The following SNX30 variants were observed in gnomAD, a reference collection of about 807,000 sequenced individuals.
SNX30 encodes sorting nexin family member 30.
In SNX30, 24 loss-of-function variants were observed where a neutral mutation model predicts 46.4. That is an observed-to-expected ratio of 0.52 (90% CI 0.37 to 0.73). The LOEUF is 0.73. Ranked by LOEUF, SNX30 falls within the 30% of genes least tolerant of loss-of-function variation. The probability of loss-of-function intolerance (pLI) is 0.00; values close to 1 mark genes in which losing one functional copy is unlikely to be tolerated. For synonymous variants in SNX30, 189 were observed against 211.5 expected (o/e 0.89, Z 0.92); for missense variants, 533 against 555.7 (o/e 0.96, Z 0.41).
At chr9:112,761,438 C>T (rs1297982379) in intron 1 of SNX30, among the ~76,000 whole-genome samples, 1 of 152,126 alleles carries the variant, frequency 6.6e-6, no homozygotes, top group African/African-American at 2.4e-5. Context: ...GCTAGGATTA[C>T]AGGTGTGAGC....
At position 112,804,881 on chromosome 9, in the gene SNX30, A is replaced by C. The variant is rs1159820319; in HGVS notation, c.262A>C (p.Thr88Pro). ...LQLDDDIDGE[T>P]RDLFVIVDDP... is the part of the protein sequence containing the mutation. ...GCTTGATGATGATATTGATGGTGAGACTAGAGATCTCTTCGTTATAGTTGA... is the reference window on the plus strand; with the variant it reads ...GCTTGATGATGATATTGATGGTGAGCCTAGAGATCTCTTCGTTATAGTTGA... The change falls in exon 2 of 9, where the codon ACT (threonine) becomes CCT (proline). Residue 88 changes from threonine to proline, a missense_variant. Around this residue, in one of 3 missense-constraint regions of SNX30, gnomAD observed 191 missense variants for 160.3 expected, o/e 1.19. Transcript: ENST00000374232. 1.2e-6 allele frequency: 2 copies of C among 1,613,964 alleles called. No homozygotes were observed. The highest frequency in any genetic ancestry group is 1.7e-6 in the Non-Finnish European group (2 of 1,179,926).
At chr9:112,843,252 T>TAA (rs1016212847) in intron 6 of SNX30, among the ~76,000 whole-genome samples, 7 of 152,218 alleles carry the variant, frequency 4.6e-5, no homozygotes, top group African/African-American at 1.7e-4. Context: ...TTGCGACACT[T>TAA]ACAAATATAC....
chr9:112,855,245 G>A (rs980069819), intron 7 of SNX30, among the ~76,000 whole-genome samples: 6 of 152,192 alleles, frequency 3.9e-5, no homozygotes, highest in East Asian at 1.9e-4. Flanking sequence ...CAGGGAATTC[G>A]GAAGTGGGTT....
At position 112,817,805 on chromosome 9, in the gene SNX30, A is replaced by G; in HGVS notation, c.449A>G (p.His150Arg). 9 of 1,610,392 alleles carry G rather than the reference A, an allele frequency of 5.6e-6. No individual in the cohort carries two copies. Among genetic ancestry groups the G allele is most frequent in the South Asian group, 3.3e-5 (3 of 91,014 alleles). The change falls in exon 3 of 9, where the codon CAT (histidine) becomes CGT (arginine). Residue 150 changes from histidine (H) to arginine (R), a missense_variant. By Grantham distance (29) the His-to-Arg change is conservative (BLOSUM62 0). Coordinates refer to ENST00000374232, the MANE Select transcript of SNX30 (RefSeq NM_001012994.2). Reference protein sequence around the residue: ...RSKLEESQPTHLIPPLPEKFV... With the variant: ...RSKLEESQPTRLIPPLPEKFV... ...AAACTGGAAGAATCCCAGCCCACTCATCTCATTCCCGTAGGTAGTAAGTCA... is the reference window on the plus strand; with the variant it reads ...AAACTGGAAGAATCCCAGCCCACTCGTCTCATTCCCGTAGGTAGTAAGTCA...
At chr9:112,823,254 G>T (rs925739882) in intron 3 of SNX30, among the ~76,000 whole-genome samples, 1 of 152,188 alleles carries the variant, frequency 6.6e-6, no homozygotes, top group Non-Finnish European at 1.5e-5. Flanking sequence ...CATCTGCTGG[G>T]GGTCTTGGAA....
chr9:112,881,949 T>C (rs1006386397), downstream of SNX30, among the ~76,000 whole-genome samples: 2 of 151,870 alleles, frequency 1.3e-5, no homozygotes, highest in African/African-American at 4.8e-5. Context: ...TGGGAAAAAG[T>C]TGTGGATGGA....
chr9:112,878,659 C>T (rs1393469695), downstream of SNX30: 3 of 152,218 alleles, frequency 2.0e-5, no homozygotes, highest in Non-Finnish European at 4.4e-5. Flanking sequence ...GTCTGCTTCA[C>T]CTGATAGACA....
intron 2 of SNX30, among the ~76,000 whole-genome samples, chr9:112,811,626 C>T (rs1398712655): frequency 6.6e-6 from 1 of 152,140 alleles, no homozygotes; most frequent in African/African-American, 2.4e-5. Context: ...GATGGTGTTA[C>T]ACTTCTAGCA....
At chr9:112,775,011 A>AT in intron 1 of SNX30, among the ~76,000 whole-genome samples, 1 of 151,288 alleles carries the variant, frequency 6.6e-6, no homozygotes, top group South Asian at 2.1e-4. Flanking sequence ...CGCCTGGCTC[A>AT]TTTTTTGTAT....
At chr9:112,856,327 G>C (rs947370895) in intron 7 of SNX30, among the ~76,000 whole-genome samples, 4 of 146,628 alleles carry the variant, frequency 2.7e-5, no homozygotes, top group African/African-American at 1.0e-4. Flanking sequence ...TGTGGTGTGT[G>C]TGGGGGGTGG....
intron 3 of SNX30, among the ~76,000 whole-genome samples, chr9:112,821,204 G>A (rs1840487596): frequency 1.3e-5 from 2 of 152,122 alleles, no homozygotes; most frequent in Admixed American, 1.3e-4. Flanking sequence ...CTTTTGGATT[G>A]TAGCCATTCT....
intron 1 of SNX30, among the ~76,000 whole-genome samples, chr9:112,798,069 C>T (rs1234094230): frequency 4.1e-5 from 6 of 147,592 alleles, no homozygotes; most frequent in African/African-American, 7.5e-5. Flanking sequence ...GTGGGAAAAA[C>T]GGAGTATGCT....
intron 1 of SNX30, 41 bp downstream of exon 1, chr9:112,751,198 T>C: frequency 1.1e-5 from 15 of 1,386,280 alleles, no homozygotes; most frequent in South Asian, 1.6e-5. Context: ...CTTATTTCGC[T>C]CCCCGTGGGG....
chr9:112,880,095 T>A (rs2131535740), exon 5 of SNX30: 2 of 292,726 alleles, frequency 6.8e-6, no homozygotes, highest in Middle Eastern at 2.0e-3. Context: ...GTTTGGGAGG[T>A]TGAGGCAGGT....
At chr9:112,836,936 G>A (rs953188333) in intron 5 of SNX30, among the ~76,000 whole-genome samples, 13 of 152,096 alleles carry the variant, frequency 8.5e-5, no homozygotes, top group African/African-American at 2.9e-4. Flanking sequence ...ATCCTTCCTC[G>A]TTTTTGCCTC....
intron 1 of SNX30, among the ~76,000 whole-genome samples, chr9:112,776,657 T>C (rs1839752560): frequency 6.6e-6 from 1 of 152,228 alleles, no homozygotes; most frequent in Non-Finnish European, 1.5e-5. Context: ...TGTACATGTA[T>C]GTATAGGCAG....
chr9:112,832,473 T>A (rs1362046131), intron 4 of SNX30, among the ~76,000 whole-genome samples: 19 of 112,530 alleles, frequency 1.7e-4, no homozygotes, highest in South Asian at 2.7e-4. Context: ...TGTGTGTGTG[T>A]GTGTGTGTGT....
chr9:112,823,194 T>C (rs1252286200), intron 3 of SNX30, among the ~76,000 whole-genome samples: 1 of 152,194 alleles, frequency 6.6e-6, no homozygotes, highest in African/African-American at 2.4e-5. Context: ...GGTGTGTATA[T>C]ATAGGAAAAA....
At chr9:112,838,381 A>C in intron 5 of SNX30, 117 bp from the exon 6 acceptor site, 2 of 805,274 alleles carry the variant, frequency 2.5e-6, no homozygotes, top group South Asian at 3.6e-5. Flanking sequence ...CAGGTGAGTG[A>C]ATGGCCAAAG....
Sources: gnomAD v4.1 joint callset for allele counts (sites outside exome capture counted in the v4.1 genomes callset) on GRCh38, gnomAD v4.1.1 for gene constraint, gnomAD v4.1.1 regional missense constraint, MANE v1.5 for transcripts, NCBI Gene and HGNC (gene_info 2026-07-23, HGNC 2026-07-21) for gene names.